Variants in B4GALT5 observed in about 807,000 individuals in gnomAD.
B4GALT5 encodes UDP-Gal:beta-GlcNAc beta-1,4-galactosyltransferase 5.
A neutral mutation model predicts 45.0 loss-of-function variants in B4GALT5; 11 were observed. That is an observed-to-expected ratio of 0.24 (90% confidence interval 0.15 to 0.40). The LOEUF (loss-of-function observed/expected upper bound fraction) is 0.40. Among genes scored for constraint, B4GALT5 ranks in the 10% least tolerant of loss-of-function variants. B4GALT5 has a pLI of 1.00. For synonymous variants in B4GALT5, 185 were observed against 182.9 expected (o/e 1.01, Z -0.09); for missense variants, 337 against 500.2 (o/e 0.67, Z 3.11).
chr20:49,642,976 T>A (rs1195786533), intron 4 of B4GALT5, among the ~76,000 whole-genome samples: 2 of 152,274 alleles, frequency 1.3e-5, no homozygotes, highest in African/African-American at 4.8e-5. Context: ...AGCGATGGGC[T>A]GGATACTGAT....
At chr20:49,672,161 T>C (rs549161736) in intron 1 of B4GALT5, among the ~76,000 whole-genome samples, 75 of 152,346 alleles carry the variant, frequency 4.9e-4, no homozygotes, top group African/African-American at 1.7e-3. Flanking sequence ...GAAAGATTAT[T>C]CTTCATGTCC....
At chr20:49,669,037 T>A (rs2146343349) in intron 1 of B4GALT5, among the ~76,000 whole-genome samples, 2 of 152,054 alleles carry the variant, frequency 1.3e-5, no homozygotes, top group Non-Finnish European at 2.9e-5. Context: ...AATTTTTTTA[T>A]TTTTGTAGAG....
intron 3 of B4GALT5, 43 bp from the exon 4 acceptor site, chr20:49,643,693 A>G: frequency 2.5e-6 from 4 of 1,590,654 alleles, no homozygotes; most frequent in Non-Finnish European, 3.4e-6. Flanking sequence ...TCAGAAAATG[A>G]TAGGTTTCCC....
chr20:49,664,421 TAC>T (rs55990435), intron 1 of B4GALT5, among the ~76,000 whole-genome samples: 27,418 of 128,426 alleles, frequency 0.21, 2,682 homozygotes, highest in Non-Finnish European at 0.25. Flanking sequence ...GGTCTCCAAA[TAC>T]ACACACACAC....
rs185695322 is a variant in B4GALT5 at position 49,645,302 on chromosome 20, G to A, written c.365-1652C>T. ...GTGCTTTGACATTTTCACCAGTGAC[G>A]GATGGCATATACGGTGGTTGCATAA... On this transcript the variant is annotated intron_variant, in intron 3 of 8. Transcript: ENST00000371711. Among the ~76,000 whole-genome samples the A allele has an allele frequency of 3.9e-5, 6 of 152,322 alleles. No homozygotes were observed. The East Asian group carries it at 5.8e-4, about 15-fold the overall frequency.
At chr20:49,691,247 G>C (rs776562517) in intron 1 of B4GALT5, among the ~76,000 whole-genome samples, 1 of 152,124 alleles carries the variant, frequency 6.6e-6, no homozygotes. Flanking sequence ...CCAGGAGCAG[G>C]GGCTCACGCC....
chr20:49,647,533 C>T (rs2085604325), intron 2 of B4GALT5, among the ~76,000 whole-genome samples: 1 of 152,170 alleles, frequency 6.6e-6, no homozygotes, highest in Non-Finnish European at 1.5e-5. Flanking sequence ...CTTCTGCCAC[C>T]CCTGCCACAC....
chr20:49,651,018 C>T (rs866935889), intron 2 of B4GALT5, among the ~76,000 whole-genome samples: 3 of 152,096 alleles, frequency 2.0e-5, no homozygotes, highest in South Asian at 4.1e-4. Flanking sequence ...AAAAACAAGC[C>T]GGGCGCGGTG....
chr20:49,648,191 C>G (rs908676180), intron 2 of B4GALT5, among the ~76,000 whole-genome samples: 3 of 152,150 alleles, frequency 2.0e-5, no homozygotes, highest in African/African-American at 7.2e-5. Flanking sequence ...ACCAGATTCT[C>G]CAGAGAAATC....
chr20:49,651,800 C>T (rs1263225446), intron 2 of B4GALT5, among the ~76,000 whole-genome samples: 5 of 152,116 alleles, frequency 3.3e-5, no homozygotes, highest in East Asian at 1.9e-4. Flanking sequence ...AACACCAGGC[C>T]GGGTGTGGTG....
intron 1 of B4GALT5, among the ~76,000 whole-genome samples, chr20:49,661,830 C>A (rs961457751): frequency 6.6e-6 from 1 of 152,176 alleles, no homozygotes; most frequent in Non-Finnish European, 1.5e-5. Context: ...TTCACACTTA[C>A]TAATAATTTG....
chr20:49,687,600 C>T (rs1194312337), intron 1 of B4GALT5, among the ~76,000 whole-genome samples: 2 of 151,924 alleles, frequency 1.3e-5, no homozygotes, highest in Non-Finnish European at 2.9e-5. Flanking sequence ...GCCAAGATTG[C>T]ACCACTGCAC....
At position 49,637,452 on chromosome 20, in the gene B4GALT5, A is replaced by C. The variant is rs2085558804; in HGVS notation, c.918-10T>G. ...GCCTGCATTCTGTACTCTGTCCAAG[A>C]CCAAGAGAACAGGCTTTTAGATACA... On this transcript the variant is annotated splice_polypyrimidine_tract_variant and intron_variant, in intron 7 of 8. Coordinates refer to ENST00000371711, the MANE Select transcript of B4GALT5 (RefSeq NM_004776.4). 8.7e-6 allele frequency: 14 copies of C among 1,605,470 alleles called. No individual in the cohort carries two copies. The highest frequency in any genetic ancestry group is 1.1e-5 in the Non-Finnish European group (13 of 1,172,118).
At chr20:49,670,082 T>G (rs1257153565) in intron 1 of B4GALT5, among the ~76,000 whole-genome samples, 2 of 152,202 alleles carry the variant, frequency 1.3e-5, no homozygotes, top group African/African-American at 4.8e-5. Flanking sequence ...GCCTGTGGAG[T>G]AGCCAGTTTC....
chr20:49,664,321 T>A (rs2146340845), intron 1 of B4GALT5, among the ~76,000 whole-genome samples: 1 of 152,002 alleles, frequency 6.6e-6, no homozygotes, highest in South Asian at 2.1e-4. Flanking sequence ...TGGGCTCAAG[T>A]GATCCTCCCA....
intron 1 of B4GALT5, among the ~76,000 whole-genome samples, chr20:49,709,534 G>A (rs1416117221): frequency 1.3e-5 from 2 of 152,170 alleles, no homozygotes; most frequent in African/African-American, 4.8e-5. Context: ...CACTTTGGGA[G>A]ACTGAGGTGG....
chr20:49,665,624 C>T (rs2085687210), intron 1 of B4GALT5, among the ~76,000 whole-genome samples: 1 of 150,242 alleles, frequency 6.7e-6, no homozygotes, highest in Admixed American at 6.7e-5. Flanking sequence ...TAAGATGTTC[C>T]AGGACTGCCC....
At chr20:49,679,537 G>A (rs891860771) in intron 1 of B4GALT5, among the ~76,000 whole-genome samples, 89 of 151,666 alleles carry the variant, frequency 5.9e-4, no homozygotes, top group Non-Finnish European at 8.0e-4. Flanking sequence ...TTAGCCAGGC[G>A]TGGTGGCATG....
chr20:49,633,163 T>C lies in B4GALT5; in HGVS notation c.*3149A>G, dbSNP rs1257150288. On this transcript the variant is annotated 3_prime_UTR_variant, in exon 9 of 9. Transcript: ENST00000371711. ...CACGTAGTGATGGAAATAAGCTAGC[T>C]ACGCTCAATGCCATCGTCAATGGTG... 6.6e-6 allele frequency: 1 copy of C among 152,654 alleles called. No individual in the cohort carries two copies. The highest frequency in any genetic ancestry group is 2.4e-5 in the African/African-American group (1 of 41,456). The allele number at this position is 152,654 out of a possible 1,614,324, so 9.5% of individuals were successfully genotyped here.
Sources: gnomAD v4.1 joint callset for allele counts (sites outside exome capture counted in the v4.1 genomes callset) on GRCh38, gnomAD v4.1.1 for gene constraint, MANE v1.5 for transcripts, NCBI Gene and HGNC (gene_info 2026-07-23, HGNC 2026-07-21) for gene names.